SOX5: variants seen among roughly 807,000 people sequenced by gnomAD.
SOX5 encodes SRY-box transcription factor 5, also known as transcription factor SOX-5.
Under a neutral mutation model 92.0 loss-of-function variants are expected in SOX5, and 9 were observed. The ratio of observed to expected loss-of-function variants is 0.10; its 90% CI spans 0.06 to 0.17. The LOEUF is 0.17. Ranked by LOEUF, SOX5 falls within the 10% of genes least tolerant of loss-of-function variation. The pLI is 1.00. For synonymous variants in SOX5, 344 were observed against 336.3 expected (o/e 1.02, Z -0.25); for missense variants, 642 against 944.5 (o/e 0.68, Z 4.20).
Position 23,895,955 on chromosome 12 carries a change from T to C in SOX5, c.108A>G (p.Arg36=), listed in dbSNP as rs2097172994. 6.2e-7 allele frequency: 1 copy of C among 1,614,126 alleles called. No homozygotes were observed. The highest frequency in any genetic ancestry group is 8.5e-7 in the Non-Finnish European group (1 of 1,179,974). Reference sequence around the variant, plus strand: ...CACTCTCCTCTTCTTCCACTTTCTGTCTGCTTGTCACCATGGCTACCTCTC... The same window carrying C: ...CACTCTCCTCTTCTTCCACTTTCTGCCTGCTTGTCACCATGGCTACCTCTC... ...ADGEVAMVTS[R]QKVEEEESDG... The change falls in exon 2 of 15, where the codon AGA becomes AGG. Residue 36 remains arginine (R), a synonymous_variant. Coordinates refer to ENST00000451604, the MANE Select transcript of SOX5 (RefSeq NM_006940.6).
At chr12:23,622,402 T>C (rs2077289569) in intron 8 of SOX5, among the ~76,000 whole-genome samples, 1 of 152,148 alleles carries the variant, frequency 6.6e-6, no homozygotes, top group South Asian at 2.1e-4. Flanking sequence ...TAAAAAAATC[T>C]AATATTTCTC....
intron 3 of SOX5, among the ~76,000 whole-genome samples, chr12:24,246,766 G>A (rs1938848267): frequency 6.6e-6 from 1 of 152,088 alleles, no homozygotes; most frequent in African/African-American, 2.4e-5. Context: ...TAGGGAAATG[G>A]GCTTTCCTGG....
intron 2 of SOX5, among the ~76,000 whole-genome samples, chr12:24,344,366 A>G (rs1952961825): frequency 6.6e-6 from 1 of 150,992 alleles, no homozygotes; most frequent in Non-Finnish European, 1.5e-5. Flanking sequence ...TATCCTTTCC[A>G]TGGAGTGCTC....
At chr12:23,958,503 T>G (rs922544929) in intron 4 of SOX5, among the ~76,000 whole-genome samples, 6 of 151,984 alleles carry the variant, frequency 3.9e-5, no homozygotes, top group Non-Finnish European at 8.8e-5. Context: ...TTAATTTAAT[T>G]TTTAACAAAT....
chr12:23,872,416 A>G (rs182353845), intron 2 of SOX5, among the ~76,000 whole-genome samples: 3 of 152,002 alleles, frequency 2.0e-5, no homozygotes, highest in African/African-American at 7.2e-5. Context: ...ATACTCAAAA[A>G]TACAAGCACA....
intron 1 of SOX5, among the ~76,000 whole-genome samples, chr12:24,512,949 G>A (rs890514282): frequency 6.6e-6 from 1 of 152,176 alleles, no homozygotes; most frequent in African/African-American, 2.4e-5. Context: ...TTGCACTTAC[G>A]ATTTCCAATT....
At chr12:23,758,402 T>TTTC (rs1555322307) in intron 3 of SOX5, among the ~76,000 whole-genome samples, 2 of 151,490 alleles carry the variant, frequency 1.3e-5, no homozygotes, top group African/African-American at 4.9e-5. Flanking sequence ...TTTTTTTTTT[T>TTTC]CCTACACATT....
chr12:23,742,761 A>G (rs4077798), intron 4 of SOX5, among the ~76,000 whole-genome samples: 105,039 of 152,024 alleles, frequency 0.69, 37,335 homozygotes, highest in East Asian at 0.78. Flanking sequence ...GGAGGCCCAG[A>G]AAGGAGGATC....
chr12:23,881,002 T>C (rs1032595171), intron 2 of SOX5, among the ~76,000 whole-genome samples: 31 of 152,170 alleles, frequency 2.0e-4, no homozygotes, highest in African/African-American at 7.5e-4. Context: ...TTTTTTTCTA[T>C]AATTATTTAA....
intron 1 of SOX5, among the ~76,000 whole-genome samples, chr12:24,462,846 A>G (rs749088044): frequency 1.6e-4 from 24 of 152,210 alleles, no homozygotes; most frequent in Admixed American, 3.3e-4. Context: ...TTTAAATGAG[A>G]CAATGTATCA....
intron 4 of SOX5, among the ~76,000 whole-genome samples, chr12:24,180,835 G>C (rs1471968208): frequency 6.6e-6 from 1 of 152,056 alleles, no homozygotes; most frequent in African/African-American, 2.4e-5. Context: ...AGGAAAAATA[G>C]GACAAAGTCT....
At chr12:24,447,588 T>C (rs1941672443) in intron 1 of SOX5, among the ~76,000 whole-genome samples, 1 of 152,232 alleles carries the variant, frequency 6.6e-6, no homozygotes, top group Admixed American at 6.5e-5. Flanking sequence ...ATTGTACCAA[T>C]GTTTGTGCAT....
At chr12:24,389,768 C>T (rs778870138) in intron 1 of SOX5, among the ~76,000 whole-genome samples, 1 of 152,160 alleles carries the variant, frequency 6.6e-6, no homozygotes, top group Non-Finnish European at 1.5e-5. Flanking sequence ...CATATGGTAA[C>T]TCATGAGGTT....
intron 4 of SOX5, among the ~76,000 whole-genome samples, chr12:24,204,976 G>GA (rs1957881628): frequency 1.3e-5 from 2 of 152,138 alleles, no homozygotes; most frequent in African/African-American, 2.4e-5. Context: ...AAGGAGCTGG[G>GA]AAAAAAATCA....
intron 1 of SOX5, among the ~76,000 whole-genome samples, chr12:23,934,635 T>A (rs1246804844): frequency 1.3e-5 from 2 of 151,196 alleles, no homozygotes; most frequent in South Asian, 2.1e-4. Flanking sequence ...ACTTGATATT[T>A]ATACATCCAT....
chr12:23,834,989 C>T (rs141477092), intron 3 of SOX5, among the ~76,000 whole-genome samples: 1 of 151,940 alleles, frequency 6.6e-6, no homozygotes, highest in Non-Finnish European at 1.5e-5. Context: ...ACGTTCTTGA[C>T]ATGGTAAAAA....
At chr12:24,461,330 G>A (rs1943601876) in intron 1 of SOX5, among the ~76,000 whole-genome samples, 1 of 152,046 alleles carries the variant, frequency 6.6e-6, no homozygotes, top group Non-Finnish European at 1.5e-5. Flanking sequence ...TGCTAGTGAT[G>A]CTGTTACTGT....
At chr12:23,896,331 G>A (rs1249959599) in intron 1 of SOX5, among the ~76,000 whole-genome samples, 2 of 152,106 alleles carry the variant, frequency 1.3e-5, no homozygotes, top group African/African-American at 4.8e-5. Context: ...TTAGAGGGAA[G>A]AAAAATACCC....
At chr12:23,604,121 G>A in intron 9 of SOX5, 1 of 348,636 alleles carries the variant, frequency 2.9e-6, no homozygotes, top group Non-Finnish European at 5.4e-6. Flanking sequence ...AAGCTCCTTG[G>A]GTACAAGATA....
Sources: allele counts gnomAD v4.1 joint callset (sites outside exome capture counted in the v4.1 genomes callset), GRCh38; gene constraint gnomAD v4.1.1; transcripts MANE v1.5; gene names NCBI Gene and HGNC (gene_info 2026-07-23, HGNC 2026-07-21).